The following GRID2 variants were observed in gnomAD, a reference collection of about 807,000 sequenced individuals.
GRID2 encodes the protein glutamate ionotropic receptor delta type subunit 2.
GRID2 carries 33 observed loss-of-function variants against 114.8 expected under a neutral mutation model. That is an observed-to-expected ratio of 0.29 (90% CI 0.22 to 0.38). The LOEUF (loss-of-function observed/expected upper bound fraction) is 0.38, where lower values mean the gene tolerates loss of function less well. Ranked by LOEUF, GRID2 falls within the 10% of genes least tolerant of loss-of-function variation. The probability of loss-of-function intolerance (pLI) is 1.00; values close to 1 mark genes in which losing one functional copy is unlikely to be tolerated. For synonymous variants in GRID2, 505 were observed against 449.9 expected (o/e 1.12, Z -1.55); for missense variants, 1,184 against 1,257.7 (o/e 0.94, Z 0.89).
chr4:93,124,673 C>T lies in GRID2; in HGVS notation c.735+13720C>T, dbSNP rs568658836. 6.1e-4 allele frequency among the ~76,000 whole-genome samples: 93 copies of T among 152,184 alleles called. 1 individual carries two copies. The highest frequency in any genetic ancestry group is 2.0e-3 in the African/African-American group (83 of 41,520). On this transcript the variant is annotated intron_variant, in intron 4 of 15. Coordinates refer to ENST00000282020, the MANE Select transcript of GRID2 (RefSeq NM_001510.4). Reference sequence around the variant, plus strand: ...TAGTTTTGTAGAGAACCAGATTTTACGGTAATGCCACCCCATGAAGCTTTG... The same window carrying T: ...TAGTTTTGTAGAGAACCAGATTTTATGGTAATGCCACCCCATGAAGCTTTG...
chr4:92,732,042 A>G (rs939592496), intron 2 of GRID2, among the ~76,000 whole-genome samples: 1 of 151,950 alleles, frequency 6.6e-6, no homozygotes, highest in African/African-American at 2.4e-5. Flanking sequence ...AATGGGGAAG[A>G]TAAAAGAAGT....
At chr4:93,437,196 T>C (rs1016680721) in intron 10 of GRID2, among the ~76,000 whole-genome samples, 15 of 152,124 alleles carry the variant, frequency 9.9e-5, no homozygotes, top group African/African-American at 3.6e-4. Flanking sequence ...TCACATACTA[T>C]GTATTTATTA....
chr4:93,680,286 A>C (rs1201390473), intron 14 of GRID2, among the ~76,000 whole-genome samples: 2 of 152,126 alleles, frequency 1.3e-5, no homozygotes, highest in Non-Finnish European at 2.9e-5. Flanking sequence ...GCAATAATCA[A>C]TAGCTTACCA....
At chr4:93,217,596 A>C (rs573129406) in intron 6 of GRID2, among the ~76,000 whole-genome samples, 52 of 151,980 alleles carry the variant, frequency 3.4e-4, no homozygotes, top group Non-Finnish European at 1.8e-4. Context: ...TCAATATGTC[A>C]ATCTGAAGGG....
intron 2 of GRID2, among the ~76,000 whole-genome samples, chr4:92,711,397 T>G (rs1735241646): frequency 6.6e-6 from 1 of 152,192 alleles, no homozygotes; most frequent in South Asian, 2.1e-4. Flanking sequence ...CTTTAGGATA[T>G]TAGCAGAATC....
intron 8 of GRID2, among the ~76,000 whole-genome samples, chr4:93,339,939 T>G (rs1368719): frequency 0.25 from 38,676 of 151,890 alleles, 8,339 homozygotes; most frequent in African/African-American, 0.59. Context: ...AGAAGAGCAT[T>G]GGGGAAACCG....
At chr4:93,309,376 A>G (rs1384211816) in intron 8 of GRID2, among the ~76,000 whole-genome samples, 1 of 152,096 alleles carries the variant, frequency 6.6e-6, no homozygotes, top group Non-Finnish European at 1.5e-5. Context: ...CTCTGTTAAA[A>G]TTACAAAAAT....
chr4:93,010,635 G>T (rs753877036), intron 2 of GRID2, among the ~76,000 whole-genome samples: 2 of 152,130 alleles, frequency 1.3e-5, no homozygotes, highest in Non-Finnish European at 2.9e-5. Context: ...CTATTGCTGT[G>T]AAGATTTCTC....
chr4:92,975,258 TA>T (rs1380193883), intron 2 of GRID2, among the ~76,000 whole-genome samples: 1 of 151,286 alleles, frequency 6.6e-6, no homozygotes, highest in Non-Finnish European at 1.5e-5. Context: ...AACATTTCTG[TA>T]AGACGTGAAA....
At chr4:92,922,487 C>A (rs1301319500) in intron 2 of GRID2, among the ~76,000 whole-genome samples, 1 of 151,950 alleles carries the variant, frequency 6.6e-6, no homozygotes, top group Non-Finnish European at 1.5e-5. Context: ...CATCTCTCCA[C>A]CCCCCCAGAA....
intron 12 of GRID2, among the ~76,000 whole-genome samples, chr4:93,510,015 T>C (rs1729009286): frequency 6.6e-6 from 1 of 152,100 alleles, no homozygotes; most frequent in Middle Eastern, 3.2e-3. Flanking sequence ...AGGAGAAAAC[T>C]GAGAAGAGAA....
intron 13 of GRID2, among the ~76,000 whole-genome samples, chr4:93,563,645 T>A (rs183516993): frequency 3.3e-5 from 5 of 152,062 alleles, no homozygotes; most frequent in East Asian, 1.9e-4. Flanking sequence ...GTGTGTTTTT[T>A]AAAAAAATCT....
rs77037100 is a variant in GRID2 at position 92,819,858 on chromosome 4, A to C, written c.244+229572A>C. Among the ~76,000 whole-genome samples, 821 of 152,288 alleles carry C rather than the reference A, an allele frequency of 5.4e-3. 4 individuals are homozygous for C. Among genetic ancestry groups the C allele is most frequent in the African/African-American group, 0.019 (785 of 41,586 alleles). On this transcript the variant is annotated intron_variant, in intron 2 of 15. Coordinates refer to ENST00000282020, the MANE Select transcript of GRID2 (RefSeq NM_001510.4). ...TAAGCTTATAAATTATTAGTACTCC[A>C]TAATGAAGAGAAATGATAAAAGTCT...
chr4:93,705,801 T>G (rs1727948528), intron 14 of GRID2, among the ~76,000 whole-genome samples: 1 of 152,214 alleles, frequency 6.6e-6, no homozygotes, highest in Non-Finnish European at 1.5e-5. Context: ...TTTTAGGAGT[T>G]TCATAGTGGA....
chr4:92,325,855 A>G (rs1726565322), intron 1 of GRID2, among the ~76,000 whole-genome samples: 1 of 151,694 alleles, frequency 6.6e-6, no homozygotes, highest in African/African-American at 2.4e-5. Flanking sequence ...TCTGATTTTT[A>G]ATGTTCATGT....
At chr4:92,460,250 G>A (rs1373803471) in intron 1 of GRID2, among the ~76,000 whole-genome samples, 2 of 151,338 alleles carry the variant, frequency 1.3e-5, no homozygotes, top group Admixed American at 6.6e-5. Flanking sequence ...CTGTGTGATC[G>A]AGATAATGGG....
intron 2 of GRID2, among the ~76,000 whole-genome samples, chr4:92,592,914 C>A (rs533941795): frequency 6.6e-6 from 1 of 151,814 alleles, no homozygotes; most frequent in South Asian, 2.1e-4. Context: ...CTATTTTCTT[C>A]AATGTTTTGA....
At chr4:93,300,583 T>A (rs1754759112) in intron 8 of GRID2, among the ~76,000 whole-genome samples, 1 of 152,122 alleles carries the variant, frequency 6.6e-6, no homozygotes, top group South Asian at 2.1e-4. Flanking sequence ...TATCTTACTA[T>A]TATTAGGAAA....
At chr4:92,368,470 A>G (rs1201066181) in intron 1 of GRID2, among the ~76,000 whole-genome samples, 1 of 152,088 alleles carries the variant, frequency 6.6e-6, no homozygotes, top group Non-Finnish European at 1.5e-5. Context: ...CGACACAATA[A>G]CAATATATTT....
Sources: allele counts gnomAD v4.1 joint callset (sites outside exome capture counted in the v4.1 genomes callset), GRCh38; gene constraint gnomAD v4.1.1; transcripts MANE v1.5; gene names NCBI Gene and HGNC (gene_info 2026-07-23, HGNC 2026-07-21).